The following CERS3 variants were observed in gnomAD, a reference collection of about 807,000 sequenced individuals.
CERS3 encodes LAG1 homolog, ceramide synthase 3.
A neutral mutation model predicts 50.3 loss-of-function variants in CERS3; 33 were observed. The ratio of observed to expected loss-of-function variants is 0.66; its 90% CI spans 0.50 to 0.88. The LOEUF (loss-of-function observed/expected upper bound fraction) is 0.88. Ranked by LOEUF, CERS3 falls within the 40% of genes least tolerant of loss-of-function variation. CERS3 has a pLI of 0.00. For synonymous variants in CERS3, 176 were observed against 155.2 expected, an observed-to-expected ratio of 1.13 and a Z score of -0.99; for missense variants, 470 against 460.3, an observed-to-expected ratio of 1.02 and a Z score of -0.19.
intron 11 of CERS3, among the ~76,000 whole-genome samples, chr15:100,418,617 G>C (rs1318592750): frequency 7.1e-6 from 1 of 140,642 alleles, no homozygotes; most frequent in Non-Finnish European, 1.6e-5. Context: ...GCAACTCCAA[G>C]ACACATAACT....
At chr15:100,542,071 C>G (rs2037215427) in intron 1 of CERS3, among the ~76,000 whole-genome samples, 1 of 152,034 alleles carries the variant, frequency 6.6e-6, no homozygotes, top group Non-Finnish European at 1.5e-5. Flanking sequence ...ATGAATCAAT[C>G]AAAATAGAAA....
At chr15:100,502,349 A>G (rs1331350909) in intron 2 of CERS3, among the ~76,000 whole-genome samples, 1 of 151,900 alleles carries the variant, frequency 6.6e-6, no homozygotes, top group East Asian at 1.9e-4. Flanking sequence ...ATTGCATTAA[A>G]CAGGAATTAC....
At chr15:100,404,881 C>T (rs936499652) in intron 11 of CERS3, among the ~76,000 whole-genome samples, 3 of 152,152 alleles carry the variant, frequency 2.0e-5, no homozygotes, top group African/African-American at 7.2e-5. Context: ...AAAGAACAGT[C>T]TTTTCAACAA....
At chr15:100,430,605 C>T (rs184420351) in intron 11 of CERS3, among the ~76,000 whole-genome samples, 5 of 152,302 alleles carry the variant, frequency 3.3e-5, no homozygotes, top group African/African-American at 9.6e-5. Flanking sequence ...TGTCCCACTG[C>T]TCTTTGAATG....
At chr15:100,500,671 A>G (rs561038633) in intron 3 of CERS3, among the ~76,000 whole-genome samples, 24 of 152,338 alleles carry the variant, frequency 1.6e-4, no homozygotes, top group Admixed American at 7.8e-4. Flanking sequence ...GAAAAGAAGT[A>G]CATTTTCAAA....
chr15:100,411,269 C>T (rs976413580), intron 11 of CERS3, among the ~76,000 whole-genome samples: 3 of 152,164 alleles, frequency 2.0e-5, no homozygotes, highest in Non-Finnish European at 4.4e-5. Flanking sequence ...ACAAGTGATT[C>T]TCCTGCCTCA....
At chr15:100,415,058 G>T (rs961546545) in intron 11 of CERS3, among the ~76,000 whole-genome samples, 5 of 152,074 alleles carry the variant, frequency 3.3e-5, no homozygotes, top group African/African-American at 1.2e-4. Flanking sequence ...CTAATATCCA[G>T]AACCTACAAT....
chr15:100,488,764 C>T (rs191646948), intron 4 of CERS3, among the ~76,000 whole-genome samples: 48 of 145,784 alleles, frequency 3.3e-4, no homozygotes, highest in African/African-American at 1.1e-3. Flanking sequence ...GCTAACACTT[C>T]GGGGGTGATA....
chr15:100,434,047 T>C (rs2033272329), intron 11 of CERS3, among the ~76,000 whole-genome samples: 1 of 152,242 alleles, frequency 6.6e-6, no homozygotes, highest in African/African-American at 2.4e-5. Flanking sequence ...TGTGGAGAGC[T>C]ATGAGGAGTG....
chr15:100,517,790 A>G (rs1022374504), intron 2 of CERS3, among the ~76,000 whole-genome samples: 4 of 152,112 alleles, frequency 2.6e-5, no homozygotes, highest in Non-Finnish European at 4.4e-5. Flanking sequence ...TTCTTGGAGG[A>G]GGGTGGGGTG....
chr15:100,438,233 C>T (rs1185157342), intron 11 of CERS3, among the ~76,000 whole-genome samples: 1 of 151,564 alleles, frequency 6.6e-6, no homozygotes, highest in African/African-American at 2.4e-5. Context: ...TTAGTAGAGA[C>T]AGGGTTTTGC....
At chr15:100,526,766 G>A (rs1016603032) in intron 1 of CERS3, among the ~76,000 whole-genome samples, 21 of 151,964 alleles carry the variant, frequency 1.4e-4, no homozygotes, top group Admixed American at 1.0e-3. Flanking sequence ...GCAGGGACTT[G>A]TCTGCTTTGT....
intron 2 of CERS3, among the ~76,000 whole-genome samples, chr15:100,521,415 CT>C (rs2142386149): frequency 6.6e-6 from 1 of 152,308 alleles, no homozygotes; most frequent in South Asian, 2.1e-4. Context: ...ATGCCACCCC[CT>C]GATGGCTCTT....
At chr15:100,461,559 C>T (rs2034551864) in intron 10 of CERS3, among the ~76,000 whole-genome samples, 1 of 152,324 alleles carries the variant, frequency 6.6e-6, no homozygotes, top group East Asian at 1.9e-4. Flanking sequence ...GTGCCTATTA[C>T]ATAGTAAGTA....
chr15:100,484,613 C>G lies in CERS3; in HGVS notation c.344G>C (p.Arg115Thr), dbSNP rs759399793. The stretch of plus-strand genomic sequence containing the variant: ...TTGATTCCGCCGACTCCTAAACCAT[C>G]TTTCCACCTGGCGCTCCGTCAAGTT... Reference protein sequence around the residue: ...KCNLTERQVERWFRSRRNQER... With the variant: ...KCNLTERQVETWFRSRRNQER... Residue 115 changes from arginine (R) to threonine (T), a missense_variant, in exon 5 of 12, where the codon AGA becomes ACA. Transcript: ENST00000679737. The G allele has an allele frequency of 1.9e-6, 3 of 1,614,212 alleles. No homozygotes were observed. Among genetic ancestry groups the G allele is most frequent in the Non-Finnish European group, 2.5e-6 (3 of 1,180,020 alleles).
At chr15:100,515,231 T>C (rs912303199) in intron 2 of CERS3, among the ~76,000 whole-genome samples, 5 of 152,248 alleles carry the variant, frequency 3.3e-5, no homozygotes, top group Admixed American at 2.0e-4. Flanking sequence ...TAAAAACTTA[T>C]CACAGCCATT....
chr15:100,501,104 T>C (rs1408701425), intron 3 of CERS3, among the ~76,000 whole-genome samples: 3 of 152,152 alleles, frequency 2.0e-5, no homozygotes, highest in African/African-American at 2.4e-5. Flanking sequence ...AAGAAAAAAA[T>C]AAGTTTACTT....
rs763619074 is a variant in CERS3, at chr15:100,424,675, G to A, written c.1000-21810C>T. On this transcript the variant is annotated intron_variant, in intron 11 of 11. Coordinates refer to ENST00000679737, the MANE Select transcript of CERS3 (RefSeq NM_001378789.1). ...TTTTAAGCAGCAATGCGTTCAAGAA[G>A]TGACCTGGCTGCTTATGACAGCATA... Among the ~76,000 whole-genome samples, 142 of 152,330 alleles carry A rather than the reference G, an allele frequency of 9.3e-4. No individual in the cohort carries two copies. The Middle Eastern group carries it at 0.014, about 15-fold the overall frequency.
intron 11 of CERS3, among the ~76,000 whole-genome samples, chr15:100,410,140 A>C (rs547640646): frequency 5.9e-5 from 9 of 152,232 alleles, no homozygotes; most frequent in Admixed American, 5.2e-4. Flanking sequence ...TCCACGTTGG[A>C]AGGGGATGGT....
Sources: allele counts gnomAD v4.1 joint callset (sites outside exome capture counted in the v4.1 genomes callset), GRCh38; gene constraint gnomAD v4.1.1; transcripts MANE v1.5; gene names NCBI Gene and HGNC (gene_info 2026-07-23, HGNC 2026-07-21).